Variants in PPP2R2C observed in about 807,000 individuals in gnomAD.
The protein encoded by PPP2R2C is protein phosphatase 2 regulatory subunit Bgamma.
PPP2R2C carries 10 observed loss-of-function variants against 45.3 expected under a neutral mutation model. The ratio of observed to expected loss-of-function variants is 0.22; its 90% confidence interval spans 0.14 to 0.37. The LOEUF (loss-of-function observed/expected upper bound fraction) is 0.37, where lower values mean the gene tolerates loss of function less well. Ranked by LOEUF, PPP2R2C falls within the 10% of genes least tolerant of loss-of-function variation. The pLI is 1.00. For missense variants in PPP2R2C, 308 were observed against 619.7 expected (o/e 0.50, Z 5.34); for synonymous variants, 257 against 245.4 (o/e 1.05, Z -0.44).
chr4:6,355,995 A>G lies in PPP2R2C; in HGVS notation c.626-7985T>C, dbSNP rs1440854682. ...GTGACAGAGTGAGACTCTGCCTGGA[A>G]AAAAAAAAAAAAAAAAAAAAAGAGC... On this transcript the variant is annotated intron_variant, in intron 5 of 8. Transcript: ENST00000382599. 9.2e-4 allele frequency among the ~76,000 whole-genome samples: 18 copies of G among 19,606 alleles called. No homozygotes were observed. In the East Asian group the frequency reaches 0.025, roughly 27 times the overall value. The allele number at this position is 19,606 out of a possible 152,430, so 12.9% of individuals were successfully genotyped here. A position where few individuals can be genotyped will look rare whatever the true frequency, so the allele number is the denominator to read the frequency against.
chr4:6,511,356 G>A (rs1164431964), intron 2 of PPP2R2C, among the ~76,000 whole-genome samples: 4 of 151,862 alleles, frequency 2.6e-5, no homozygotes, highest in Non-Finnish European at 5.9e-5. Context: ...CTACAGTGAT[G>A]GTAATGGTGG....
chr4:6,547,361 G>T (rs77099246), intron 1 of PPP2R2C, among the ~76,000 whole-genome samples: 1 of 151,526 alleles, frequency 6.6e-6, no homozygotes, highest in Non-Finnish European at 1.5e-5. Context: ...TGAGTGTCTC[G>T]GTGAAACCAT....
At chr4:6,554,716 C>T (rs1245729210) in intron 1 of PPP2R2C, among the ~76,000 whole-genome samples, 1 of 151,780 alleles carries the variant, frequency 6.6e-6, no homozygotes, top group Non-Finnish European at 1.5e-5. Context: ...AAAAATCAGC[C>T]AGGCCTGGTG....
At chr4:6,445,363 T>C (rs1720366002) in intron 1 of PPP2R2C, among the ~76,000 whole-genome samples, 1 of 152,366 alleles carries the variant, frequency 6.6e-6, no homozygotes, top group East Asian at 1.9e-4. Context: ...ATGCATTTAA[T>C]TAATCCAACT....
At chr4:6,349,974 C>A in intron 5 of PPP2R2C, 1 of 985,342 alleles carries the variant, frequency 1.0e-6, no homozygotes, top group Non-Finnish European at 1.2e-6. Context: ...CTGATCTGTG[C>A]AGTCAGAAAG....
rs559654805 is a variant in PPP2R2C, at chr4:6,378,670, G to A, written c.169-98C>T. On this transcript the variant is annotated intron_variant, in intron 2 of 8. Coordinates refer to ENST00000382599, the MANE Select transcript of PPP2R2C (RefSeq NM_020416.4). This position sits in a 1 kb window ranked among gnomAD's most constrained non-coding sequence, Gnocchi z 5.2. ...AGCAGGGCCGGCCGTGGGACCAAGT[G>A]CCGAGCCGTGCCAGGGATCCAATTC... 229 of 1,273,324 alleles carry A rather than the reference G, an allele frequency of 1.8e-4. No individual in the cohort carries two copies. The African/African-American group carries it at 3.2e-3, about 18-fold the overall frequency. The allele number at this position is 1,273,324 out of a possible 1,614,324, so 78.9% of individuals were successfully genotyped here.
intron 1 of PPP2R2C, among the ~76,000 whole-genome samples, chr4:6,470,192 T>C (rs1721792555): frequency 6.6e-6 from 1 of 152,200 alleles, no homozygotes; most frequent in African/African-American, 2.4e-5. Context: ...CTCAAGGTCA[T>C]ATAGCTCCCT....
intron 2 of PPP2R2C, among the ~76,000 whole-genome samples, chr4:6,511,004 A>AAAAAAAAAAG (rs1723428155): frequency 6.7e-6 from 1 of 150,084 alleles, no homozygotes; most frequent in African/African-American, 2.5e-5. Flanking sequence ...CAAACAAAAA[A>AAAAAAAAAAG]AAAAACAGAA....
chr4:6,376,904 G>A (rs1479008846), intron 3 of PPP2R2C, among the ~76,000 whole-genome samples: 2 of 152,220 alleles, frequency 1.3e-5, no homozygotes, highest in Non-Finnish European at 2.9e-5. Flanking sequence ...AGGGGACACA[G>A]ATCCTGCCTT....
chr4:6,520,689 C>T (rs1012594046), intron 2 of PPP2R2C, among the ~76,000 whole-genome samples: 2 of 152,178 alleles, frequency 1.3e-5, no homozygotes, highest in Admixed American at 6.5e-5. Flanking sequence ...GGATGCCATG[C>T]AGGGGCTGAG....
intron 1 of PPP2R2C, among the ~76,000 whole-genome samples, chr4:6,539,785 C>A (rs1219400484): frequency 6.6e-6 from 1 of 152,194 alleles, no homozygotes; most frequent in Non-Finnish European, 1.5e-5. Flanking sequence ...AGCCTCACCA[C>A]AACCTTGCGG....
At chr4:6,515,442 G>C (rs899623071) in intron 2 of PPP2R2C, among the ~76,000 whole-genome samples, 2 of 152,136 alleles carry the variant, frequency 1.3e-5, no homozygotes, top group Admixed American at 1.3e-4. Flanking sequence ...ACACTGATGG[G>C]GTTTGGATCT....
chr4:6,505,678 GA>G (rs1723203049), intron 2 of PPP2R2C, among the ~76,000 whole-genome samples: 1 of 152,188 alleles, frequency 6.6e-6, no homozygotes, highest in Non-Finnish European at 1.5e-5. Context: ...ATAAATCCAA[GA>G]ATAAGGCCAG....
intron 5 of PPP2R2C, among the ~76,000 whole-genome samples, chr4:6,371,256 A>G (rs1298247391): frequency 6.6e-6 from 1 of 152,184 alleles, no homozygotes; most frequent in African/African-American, 2.4e-5. Flanking sequence ...GGCTCAGGGG[A>G]CATCCAACGC....
At chr4:6,446,438 C>A (rs1319697297) in intron 1 of PPP2R2C, among the ~76,000 whole-genome samples, 1 of 152,122 alleles carries the variant, frequency 6.6e-6, no homozygotes, top group Non-Finnish European at 1.5e-5. Context: ...ACGGGGGGAA[C>A]AGACGGATCC....
At position 6,394,092 on chromosome 4, in the gene PPP2R2C, C is replaced by T. The variant is rs142003741; in HGVS notation, c.71-12998G>A. On this transcript the variant is annotated intron_variant, in intron 1 of 8. Coordinates refer to ENST00000382599, the MANE Select transcript of PPP2R2C (RefSeq NM_020416.4). ...GTCACCTGGGCTTCTCTCCTAAAGA[C>T]GAAGCTTGCCAAGGCTCTGCCCAGA... 5.8e-4 allele frequency among the ~76,000 whole-genome samples: 88 copies of T among 152,312 alleles called. No homozygotes were observed. In the East Asian group the frequency reaches 0.011, roughly 18 times the overall value.
At chr4:6,455,796 T>C (rs1344076896) in intron 1 of PPP2R2C, among the ~76,000 whole-genome samples, 4 of 152,184 alleles carry the variant, frequency 2.6e-5, no homozygotes, top group Non-Finnish European at 5.9e-5. Flanking sequence ...CGCCGTGCTG[T>C]GCCCATAATG....
At chr4:6,512,653 ATGG>A (rs79384701) in intron 2 of PPP2R2C, among the ~76,000 whole-genome samples, 27 of 123,736 alleles carry the variant, frequency 2.2e-4, no homozygotes, top group African/African-American at 5.2e-4. Context: ...GATGGTGCTG[ATGG>A]TGGTGGTGGT....
chr4:6,336,589 A>C (rs1732873210), intron 6 of PPP2R2C, among the ~76,000 whole-genome samples: 1 of 28,866 alleles, frequency 3.5e-5, no homozygotes, highest in Admixed American at 2.6e-4. Flanking sequence ...TGCTGTACAG[A>C]GTGAGCCCAG....
Sources: allele counts gnomAD v4.1 joint callset (sites outside exome capture counted in the v4.1 genomes callset), GRCh38; gene constraint gnomAD v4.1.1; non-coding constraint Gnocchi (gnomAD v3.1); transcripts MANE v1.5; gene names NCBI Gene and HGNC (gene_info 2026-07-23, HGNC 2026-07-21).